Variants in NPFFR1 observed in about 807,000 individuals in gnomAD.
NPFFR1 encodes the protein neuropeptide FF receptor 1.
NPFFR1 carries 17 observed loss-of-function variants against 12.7 expected under a neutral mutation model. The observed-to-expected ratio is 1.34, with a 90% CI of 0.92 to 2.01. The LOEUF (loss-of-function observed/expected upper bound fraction) is 2.01. Ranked by LOEUF, NPFFR1 falls within the 30% of genes most tolerant of loss-of-function variation. The pLI, the probability that NPFFR1 is intolerant of heterozygous loss-of-function variation, is 0.00. For synonymous variants in NPFFR1, 296 were observed against 264.5 expected, an observed-to-expected ratio of 1.12 and a Z score of -1.16; for missense variants, 604 against 606.5, an observed-to-expected ratio of 1.00 and a Z score of 0.04.
chr10:70,250,223 A>G lies in NPFFR1; in HGVS notation c.*4734T>C, dbSNP rs576034942. On this transcript the variant is annotated 3_prime_UTR_variant, in exon 4 of 4. Transcript: ENST00000277942. ...ACCACACCTGGCCTGGAAATTTTCA[A>G]AAGGCTAATACTGCTAAGTGTTGGC... 6.6e-6 allele frequency: 1 copy of G among 152,390 alleles called. No individual in the cohort carries two copies. Among genetic ancestry groups the G allele is most frequent in the South Asian group, 2.1e-4 (1 of 4,822 alleles). 9.4% of individuals were successfully genotyped at this position (152,390 alleles called of 1,614,324 possible).
intron 1 of NPFFR1, among the ~76,000 whole-genome samples, chr10:70,280,950 C>T (rs1334384145): frequency 1.3e-5 from 2 of 152,070 alleles, no homozygotes; most frequent in East Asian, 3.9e-4. Context: ...GGCAGTGAGC[C>T]GAGAACACGC....
Position 70,248,467 on chromosome 10 carries a change from G to GTGTTTTTT in NPFFR1, c.*6489_*6490insAAAAAACA. On this transcript the variant is annotated 3_prime_UTR_variant, in exon 4 of 4. Transcript: ENST00000277942. ...CAAAGTACGTAGTACTATGCCTGGC[G>GTGTTTTTT]TTTTTTTTTTGTTTTTTGTTTTTTT... 1.0e-5 allele frequency: 1 copy of GTGTTTTTT among 96,742 alleles called. No homozygotes were observed. Among genetic ancestry groups the GTGTTTTTT allele is most frequent in the African/African-American group, 4.0e-5 (1 of 24,728 alleles). The allele number at this position is 96,742 out of a possible 1,614,324, so 6.0% of individuals were successfully genotyped here.
intron 1 of NPFFR1, among the ~76,000 whole-genome samples, chr10:70,278,329 G>A (rs1470815830): frequency 7.2e-6 from 1 of 138,784 alleles, no homozygotes. Context: ...TAACTTTCCT[G>A]AAGAATAAAA....
At chr10:70,258,013 C>G (rs779031292) in intron 3 of NPFFR1, among the ~76,000 whole-genome samples, 1 of 151,144 alleles carries the variant, frequency 6.6e-6, no homozygotes, top group African/African-American at 2.4e-5. Flanking sequence ...ACATTCCTTT[C>G]TGCTGAAATA....
chr10:70,269,585 C>T (rs1215707642), intron 1 of NPFFR1, among the ~76,000 whole-genome samples: 2 of 148,980 alleles, frequency 1.3e-5, no homozygotes, highest in East Asian at 2.0e-4. Flanking sequence ...GATCTTGGCT[C>T]ACTGCAACCT....
chr10:70,253,999 C>T lies in NPFFR1; in HGVS notation c.*958G>A, dbSNP rs1056955117. 2 of 152,358 alleles carry T rather than the reference C, an allele frequency of 1.3e-5. No homozygotes were observed. Among genetic ancestry groups the T allele is most frequent in the East Asian group, 3.9e-4 (2 of 5,190 alleles). The allele number at this position is 152,358 out of a possible 1,614,324, so 9.4% of individuals were successfully genotyped here. ...GCAGCTTCAGTTGACCAACTTCTCC[C>T]TCCCAGGAAGCAGGGAGGAGAGAGA... On this transcript the variant is annotated 3_prime_UTR_variant, in exon 4 of 4. Coordinates refer to ENST00000277942, the MANE Select transcript of NPFFR1 (RefSeq NM_022146.5).
chr10:70,258,133 T>C (rs1211334054), intron 3 of NPFFR1, among the ~76,000 whole-genome samples: 1 of 152,124 alleles, frequency 6.6e-6, no homozygotes, highest in Non-Finnish European at 1.5e-5. Context: ...TCTCTATACT[T>C]TGTCTCTGCG....
rs112183102 is a variant in NPFFR1, at chr10:70,269,514, A to ATTT, written c.8-3126_8-3124dup. On this transcript the variant is annotated intron_variant, in intron 1 of 3. Coordinates refer to ENST00000277942, the MANE Select transcript of NPFFR1 (RefSeq NM_022146.5). ...GATTATTGCCTAGACTCCCCACTGC[A>ATTT]TTTTTTTTTTTTTTGAGACGGAGTC... Among the ~76,000 whole-genome samples the ATTT allele has an allele frequency of 1.5e-3, 206 of 141,156 alleles. No individual in the cohort carries two copies. The Middle Eastern group carries it at 0.015, about 10-fold the overall frequency. The allele number at this position is 141,156 out of a possible 152,430, so 92.6% of individuals were successfully genotyped here. A position where few individuals can be genotyped will look rare whatever the true frequency, so the allele number is the denominator to read the frequency against.
At position 70,249,477 on chromosome 10, in the gene NPFFR1, A is replaced by ATATTAT. The variant is rs564566383; in HGVS notation, c.*5474_*5479dup. On this transcript the variant is annotated 3_prime_UTR_variant, in exon 4 of 4. Coordinates refer to ENST00000277942, the MANE Select transcript of NPFFR1 (RefSeq NM_022146.5). ...TTTGTGCTAAAGTCTCTACAATAAAATATTATTATTATTATTATTATTTGA... is the reference window on the plus strand; with the variant it reads ...TTTGTGCTAAAGTCTCTACAATAAAATATTATTATTATTATTATTATTATTATTTGA... 6.0e-5 allele frequency: 9 copies of ATATTAT among 151,076 alleles called. No individual in the cohort carries two copies. The highest frequency in any genetic ancestry group is 1.2e-4 in the African/African-American group (5 of 41,220). 9.4% of individuals were successfully genotyped at this position (151,076 alleles called of 1,614,324 possible). A position where few individuals can be genotyped will look rare whatever the true frequency, so the allele number is the denominator to read the frequency against.
chr10:70,256,854 T>C (rs1292566147), intron 3 of NPFFR1, among the ~76,000 whole-genome samples: 1 of 152,200 alleles, frequency 6.6e-6, no homozygotes, highest in African/African-American at 2.4e-5. Context: ...CATGAGACTC[T>C]CCTGAAGCAT....
rs566662114 is a variant in NPFFR1 at position 70,247,924 on chromosome 10, C to A, written c.*7033G>T. On this transcript the variant is annotated 3_prime_UTR_variant, in exon 4 of 4. Transcript: ENST00000277942. ...GGTATTGAGTCAAACTAAATTTAAA[C>A]CTTTTACCTAAACTGCTGGTATTCC... The A allele has an allele frequency of 6.6e-6, 1 of 152,328 alleles. No individual in the cohort carries two copies. Among genetic ancestry groups the A allele is most frequent in the Non-Finnish European group, 1.5e-5 (1 of 68,036 alleles). The allele number at this position is 152,328 out of a possible 1,614,324, so 9.4% of individuals were successfully genotyped here.
chr10:70,277,259 T>C (rs1422640419), intron 1 of NPFFR1, among the ~76,000 whole-genome samples: 1 of 152,194 alleles, frequency 6.6e-6, no homozygotes, highest in African/African-American at 2.4e-5. Flanking sequence ...CTAGACTTCA[T>C]GGAGGCTGCA....
intron 1 of NPFFR1, among the ~76,000 whole-genome samples, chr10:70,281,233 G>A (rs1269430762): frequency 6.6e-6 from 1 of 152,118 alleles, no homozygotes; most frequent in Non-Finnish European, 1.5e-5. Context: ...TCACAAAAAG[G>A]GACAACCCAA....
In NPFFR1 at chr10:70,252,508, A is replaced by C. The variant is rs1564591950; in HGVS notation, c.*2449T>G. The stretch of plus-strand genomic sequence containing the variant: ...TAATTCCAGTCCTGTACACTTAAAA[A>C]TGGCCAAAATGGTAAATTCTATATT... On this transcript the variant is annotated 3_prime_UTR_variant, in exon 4 of 4. Transcript: ENST00000277942. 3 of 152,234 alleles carry C rather than the reference A, an allele frequency of 2.0e-5. No homozygotes were observed. The highest frequency in any genetic ancestry group is 2.0e-4 in the Admixed American group (3 of 15,286). 9.4% of individuals were successfully genotyped at this position (152,234 alleles called of 1,614,324 possible).
chr10:70,283,663 C>T lies in NPFFR1; in HGVS notation c.7+7G>A. ...CACGGCTGGCCCCCAGCCCCAGGAC[C>T]ACTCACCCTCCATGATGCCCCCAGT... is the stretch of plus-strand genomic sequence containing the variant. On this transcript the variant is annotated splice_region_variant and intron_variant, in intron 1 of 3. Transcript: ENST00000277942. The T allele has an allele frequency of 6.5e-7, 1 of 1,535,520 alleles. No homozygotes were observed. The highest frequency in any genetic ancestry group is 1.2e-5 in the South Asian group (1 of 84,046).
rs1840688026 is a variant in NPFFR1 at position 70,266,214 on chromosome 10, G to A, written c.185C>T (p.Thr62Ile). Reference protein sequence around the residue: ...LIFLLCMVGNTLVCFIVLKNR... With the variant: ...LIFLLCMVGNILVCFIVLKNR... ...CTTGAGCACGATGAAACAGACCAGG[G>A]TGTTGCCCACCATGCAGAGCAGGAA... The change falls in exon 2 of 4, where the codon ACC becomes ATC. Residue 62 changes from threonine (T) to isoleucine (I), a missense_variant. Physicochemically the swap from Thr to Ile is moderately conservative, Grantham distance 89. Coordinates refer to ENST00000277942, the MANE Select transcript of NPFFR1 (RefSeq NM_022146.5). The A allele has an allele frequency of 1.9e-6, 3 of 1,613,908 alleles. No homozygotes were observed. The highest frequency in any genetic ancestry group is 1.7e-5 in the Admixed American group (1 of 60,006).
intron 3 of NPFFR1, among the ~76,000 whole-genome samples, chr10:70,256,547 G>A (rs1264848591): frequency 6.6e-6 from 1 of 152,216 alleles, no homozygotes; most frequent in Non-Finnish European, 1.5e-5. Flanking sequence ...TACATGTCAG[G>A]CTGTCCCTAT....
At chr10:70,274,306 G>A (rs10823504) in intron 1 of NPFFR1, among the ~76,000 whole-genome samples, 11,434 of 152,164 alleles carry the variant, frequency 0.075, 451 homozygotes, top group Middle Eastern at 0.12. Flanking sequence ...AAAATTAGCC[G>A]GGCGTGGTGG....
rs566663013 is a variant in NPFFR1 at position 70,265,530 on chromosome 10, ACT to A, written c.322+545_322+546del. Among the ~76,000 whole-genome samples the A allele has an allele frequency of 2.2e-3, 334 of 152,048 alleles. 1 individual carries two copies. Among genetic ancestry groups the A allele is most frequent in the African/African-American group, 7.8e-3 (325 of 41,458 alleles). On this transcript the variant is annotated intron_variant, in intron 2 of 3. Coordinates refer to ENST00000277942, the MANE Select transcript of NPFFR1 (RefSeq NM_022146.5). ...AGAGAGCTCATTACTTACAGGCAGG[ACT>A]CTCTTCTGTGCCCTGCTCAATTTCC...
Sources: gnomAD v4.1 joint callset for allele counts (sites outside exome capture counted in the v4.1 genomes callset) on GRCh38, gnomAD v4.1.1 for gene constraint, MANE v1.5 for transcripts, NCBI Gene and HGNC (gene_info 2026-07-23, HGNC 2026-07-21) for gene names.